The following ZFHX3 variants were observed in gnomAD, a reference collection of about 807,000 sequenced individuals.
The protein encoded by ZFHX3 is zinc finger homeobox 3, also known as zinc finger homeobox protein 3.
Under a neutral mutation model 279.1 loss-of-function variants are expected in ZFHX3, and 42 were observed. The ratio of observed to expected loss-of-function variants is 0.15; its 90% confidence interval spans 0.12 to 0.19. The LOEUF is 0.19. Ranked by LOEUF, ZFHX3 falls within the 10% of genes least tolerant of loss-of-function variation. The probability of loss-of-function intolerance (pLI) is 1.00; values close to 1 mark genes in which losing one functional copy is unlikely to be tolerated. For synonymous variants in ZFHX3, 2,293 were observed against 1,957.8 expected (o/e 1.17, Z -4.52); for missense variants, 4,981 against 4,754.0 (o/e 1.05, Z -1.40).
chr16:73,867,231 G>C (rs931292265), intron 1 of ZFHX3, among the ~76,000 whole-genome samples: 1 of 152,082 alleles, frequency 6.6e-6, no homozygotes, highest in Admixed American at 6.5e-5. Context: ...GATGCTTTGC[G>C]TGAGCTATCT....
rs775913196 is a variant in ZFHX3, at chr16:72,788,045, C to G, written c.10231G>C (p.Asp3411His). 6.2e-7 allele frequency: 1 copy of G among 1,612,166 alleles called. No individual in the cohort carries two copies. The highest frequency in any genetic ancestry group is 8.5e-7 in the Non-Finnish European group (1 of 1,179,874). The change falls in exon 10 of 10, where the codon GAC (aspartate) becomes CAC (histidine). Residue 3411 changes from aspartate to histidine, a missense_variant. Coordinates refer to ENST00000268489, the MANE Select transcript of ZFHX3 (RefSeq NM_006885.4). Reference sequence around the variant, plus strand: ...GGGGATTCTTTGGCAGGGTCTTTGTCTGGGGAAGGAGCCCCGGGGGGGACT... The same window carrying G: ...GGGGATTCTTTGGCAGGGTCTTTGTGTGGGGAAGGAGCCCCGGGGGGGACT... ...TPVPPGAPSP[D>H]KDPAKESPKP...
intron 1 of ZFHX3, among the ~76,000 whole-genome samples, chr16:73,789,043 T>C (rs1430541211): frequency 6.6e-6 from 1 of 150,672 alleles, no homozygotes. Context: ...TTTATGTATC[T>C]ATATATAGAT....
intron 1 of ZFHX3, among the ~76,000 whole-genome samples, chr16:72,996,686 G>A (rs1963307359): frequency 6.6e-6 from 1 of 152,262 alleles, no homozygotes; most frequent in African/African-American, 2.4e-5. Flanking sequence ...CCTGCCCTGA[G>A]TGCAATCCAA....
chr16:73,299,096 T>C lies in ZFHX3; in HGVS notation c.-1194+19144A>G, dbSNP rs376418173. On this transcript the variant is annotated intron_variant, in intron 4 of 17. Transcript: ENST00000641206. ...ATATAAATTATGATGATGATTATTT[T>C]ACAGACTGGGGTCCGGTTACCAGCC... Among the ~76,000 whole-genome samples the C allele has an allele frequency of 5.2e-4, 79 of 152,322 alleles. 2 individuals are homozygous for C. In the South Asian group the frequency reaches 0.016, roughly 30 times the overall value.
intron 7 of ZFHX3, among the ~76,000 whole-genome samples, chr16:73,114,043 G>A (rs374759774): frequency 6.6e-6 from 1 of 151,656 alleles, no homozygotes; most frequent in Non-Finnish European, 1.5e-5. Flanking sequence ...TGATCTGCTC[G>A]CCTCGGCCTC....
intron 1 of ZFHX3, among the ~76,000 whole-genome samples, chr16:73,871,797 G>C (rs2029862693): frequency 6.6e-6 from 1 of 152,094 alleles, no homozygotes; most frequent in Non-Finnish European, 1.5e-5. Context: ...TGAGACCATA[G>C]TTAGACTTGC....
At position 73,779,312 on chromosome 16, in the gene ZFHX3, A is replaced by G. The variant is rs535123601; in HGVS notation, c.-1607-99072T>C. 6.2e-4 allele frequency among the ~76,000 whole-genome samples: 95 copies of G among 152,358 alleles called. 1 individual carries two copies. Among genetic ancestry groups the G allele is most frequent in the African/African-American group, 2.3e-3 (94 of 41,580 alleles). ...TGTTGGAATGAAACACTATTCAGTT[A>G]TAGTAATTGCCCAGAAATTAATTTT... On this transcript the variant is annotated intron_variant, in intron 1 of 17. Transcript: ENST00000641206.
intron 3 of ZFHX3, among the ~76,000 whole-genome samples, chr16:73,405,622 TC>T (rs1168680464): frequency 1.3e-5 from 2 of 151,914 alleles, no homozygotes; most frequent in Non-Finnish European, 2.9e-5. Flanking sequence ...AAAAACTAAC[TC>T]CAAGTTTTTT....
intron 4 of ZFHX3, among the ~76,000 whole-genome samples, chr16:73,298,164 CTGAG>C (rs1308090273): frequency 4.6e-5 from 7 of 151,550 alleles, no homozygotes; most frequent in Non-Finnish European, 7.4e-5. Context: ...GTATTCCAGC[CTGAG>C]TGAGAGAGCA....
At chr16:73,853,763 C>A (rs1304024420) in intron 1 of ZFHX3, among the ~76,000 whole-genome samples, 4 of 152,090 alleles carry the variant, frequency 2.6e-5, no homozygotes, top group Non-Finnish European at 5.9e-5. Context: ...ACACTAGATG[C>A]CCAATCCCCA....
intron 2 of ZFHX3, chr16:73,486,737 T>A (rs1000247816): frequency 4.6e-6 from 2 of 435,772 alleles, no homozygotes; most frequent in Admixed American, 5.1e-5. Context: ...CTCTTGCTCA[T>A]TTTTTTTTCT....
intron 1 of ZFHX3, among the ~76,000 whole-genome samples, chr16:73,030,112 G>A (rs1468477207): frequency 1.3e-5 from 2 of 152,148 alleles, no homozygotes; most frequent in African/African-American, 2.4e-5. Flanking sequence ...TTTTAAAAGT[G>A]GAAGACAGCC....
intron 4 of ZFHX3, among the ~76,000 whole-genome samples, chr16:73,306,379 G>A (rs916116616): frequency 6.6e-6 from 1 of 152,182 alleles, no homozygotes; most frequent in African/African-American, 2.4e-5. Context: ...GAGTGCAGTG[G>A]TGCCATCTCG....
intron 3 of ZFHX3, among the ~76,000 whole-genome samples, chr16:72,925,161 A>G (rs1345895460): frequency 1.3e-5 from 2 of 152,168 alleles, no homozygotes; most frequent in Non-Finnish European, 2.9e-5. Context: ...AGCAAGCTGG[A>G]ATGTGGAGTT....
intron 2 of ZFHX3, among the ~76,000 whole-genome samples, chr16:73,674,759 G>T (rs1464374607): frequency 6.6e-6 from 1 of 152,108 alleles, no homozygotes; most frequent in Non-Finnish European, 1.5e-5. Flanking sequence ...GCCCTATCTT[G>T]CTGCTTTAGA....
At chr16:73,086,404 C>T (rs1966012373) in intron 8 of ZFHX3, among the ~76,000 whole-genome samples, 1 of 152,148 alleles carries the variant, frequency 6.6e-6, no homozygotes, top group Non-Finnish European at 1.5e-5. Flanking sequence ...GAGAAATCTG[C>T]ACTTCCATGT....
At chr16:73,600,434 T>C (rs1429284519) in intron 2 of ZFHX3, among the ~76,000 whole-genome samples, 3 of 150,860 alleles carry the variant, frequency 2.0e-5, no homozygotes. Context: ...TTTTTTTTTT[T>C]TGAGATGGAG....
At chr16:73,584,340 T>A (rs182816192) in intron 2 of ZFHX3, among the ~76,000 whole-genome samples, 14 of 152,256 alleles carry the variant, frequency 9.2e-5, no homozygotes, top group Admixed American at 3.9e-4. Context: ...AAACCTCTCA[T>A]AATGAAATTT....
chr16:73,036,263 C>G (rs1275846154), intron 1 of ZFHX3, among the ~76,000 whole-genome samples: 1 of 152,200 alleles, frequency 6.6e-6, no homozygotes, highest in Non-Finnish European at 1.5e-5. Context: ...GATCACAAGG[C>G]CAGTCTCATT....
Sources: allele counts gnomAD v4.1 joint callset (sites outside exome capture counted in the v4.1 genomes callset), GRCh38; gene constraint gnomAD v4.1.1; transcripts MANE v1.5; gene names NCBI Gene and HGNC (gene_info 2026-07-23, HGNC 2026-07-21).